The following HOOK3 variants were observed in gnomAD, a reference collection of about 807,000 sequenced individuals.
HOOK3 encodes the protein hook microtubule tethering protein 3, also known as protein Hook homolog 3.
HOOK3 carries 24 observed loss-of-function variants against 116.3 expected under a neutral mutation model. The observed-to-expected ratio is 0.21, with a 90% CI of 0.15 to 0.29. The LOEUF is 0.29. Ranked by LOEUF, HOOK3 falls within the 10% of genes least tolerant of loss-of-function variation. The pLI, the probability that HOOK3 is intolerant of heterozygous loss-of-function variation, is 1.00. For missense variants in HOOK3, 632 were observed against 830.2 expected (o/e 0.76, Z 2.93); for synonymous variants, 275 against 283.0 (o/e 0.97, Z 0.28).
intron 14 of HOOK3, among the ~76,000 whole-genome samples, chr8:42,982,917 T>C (rs1437901433): frequency 1.3e-5 from 2 of 152,210 alleles, no homozygotes; most frequent in Non-Finnish European, 2.9e-5. Context: ...TTCACACATA[T>C]AAAGCCAATT....
In HOOK3 at chr8:42,917,902, C is replaced by CT. The variant is rs1475366514; in HGVS notation, c.144-7654dup. Among the ~76,000 whole-genome samples, 11 of 152,268 alleles carry CT rather than the reference C, an allele frequency of 7.2e-5. No individual in the cohort carries two copies. The East Asian group carries it at 1.7e-3, about 24-fold the overall frequency. On this transcript the variant is annotated intron_variant, in intron 2 of 21. Coordinates refer to ENST00000307602, the MANE Select transcript of HOOK3 (RefSeq NM_032410.4). ...ATGTGAAATTTTATCATAGTCAACT[C>CT]TAACACACATTTAATGGCAGAGGAC...
chr8:42,924,279 G>A (rs374645214), intron 2 of HOOK3, among the ~76,000 whole-genome samples: 202 of 152,002 alleles, frequency 1.3e-3, no homozygotes, highest in African/African-American at 4.7e-3. Context: ...CTGTAAAATG[G>A]GGCTCATGCT....
rs182844385 is a variant in HOOK3 at position 43,009,221 on chromosome 8, G to A, written c.1739-1084G>A. 7.9e-5 allele frequency among the ~76,000 whole-genome samples: 12 copies of A among 151,902 alleles called. No homozygotes were observed. The East Asian group carries it at 9.8e-4, about 12-fold the overall frequency. On this transcript the variant is annotated intron_variant, in intron 18 of 21. Transcript: ENST00000307602. ...GGAGTTTGAGACCAGCCTGGGCGAC[G>A]TGGTAAAAGCCCATCTCTACTAAAA... is the stretch of plus-strand genomic sequence containing the variant.
At chr8:42,901,905 T>TA (rs1323786814) in intron 1 of HOOK3, among the ~76,000 whole-genome samples, 1 of 152,166 alleles carries the variant, frequency 6.6e-6, no homozygotes, top group Non-Finnish European at 1.5e-5. Flanking sequence ...AGACGGGGTT[T>TA]CACTATGTTG....
rs1409405690 is a variant in HOOK3, at chr8:42,965,679, A to G, written c.780-794A>G. On this transcript the variant is annotated intron_variant, in intron 9 of 21. Coordinates refer to ENST00000307602, the MANE Select transcript of HOOK3 (RefSeq NM_032410.4). ...TAAACATCAATTAGATTTTTACTTT[A>G]CTGAGTAACTGAGTGTGGTAACATA... Among the ~76,000 whole-genome samples the G allele has an allele frequency of 2.0e-5, 3 of 152,320 alleles. No homozygotes were observed. The East Asian group carries it at 5.8e-4, about 29-fold the overall frequency.
chr8:42,984,732 T>A (rs1809017554), intron 14 of HOOK3, among the ~76,000 whole-genome samples: 1 of 152,070 alleles, frequency 6.6e-6, no homozygotes. Flanking sequence ...CAAAACCCTG[T>A]CACTGCTAAA....
intron 13 of HOOK3, among the ~76,000 whole-genome samples, chr8:42,975,794 C>T (rs1808811858): frequency 6.6e-6 from 1 of 152,226 alleles, no homozygotes; most frequent in African/African-American, 2.4e-5. Context: ...CAACCTCCGC[C>T]TCCCAGGTTC....
At chr8:42,953,138 C>T (rs1016120046) in intron 6 of HOOK3, among the ~76,000 whole-genome samples, 2 of 151,510 alleles carry the variant, frequency 1.3e-5, no homozygotes, top group Non-Finnish European at 2.9e-5. Flanking sequence ...AGTCATGGAC[C>T]CAACCAAAAT....
intron 14 of HOOK3, among the ~76,000 whole-genome samples, chr8:42,983,691 T>C (rs1259206107): frequency 1.3e-5 from 2 of 152,074 alleles, no homozygotes; most frequent in African/African-American, 4.8e-5. Context: ...CCCAGGCTGG[T>C]CTTGAACTCC....
chr8:42,924,644 T>G (rs919563935), intron 2 of HOOK3, among the ~76,000 whole-genome samples: 12 of 152,180 alleles, frequency 7.9e-5, no homozygotes, highest in Non-Finnish European at 1.0e-4. Flanking sequence ...CTGAAAAAGT[T>G]ATTTTAACTT....
rs1260019905 is a variant in HOOK3, at chr8:42,939,894, G to A, written c.268-3419G>A. Among the ~76,000 whole-genome samples, 17 of 151,816 alleles carry A rather than the reference G, an allele frequency of 1.1e-4. No homozygotes were observed. In the East Asian group the frequency reaches 3.1e-3, roughly 28 times the overall value. On this transcript the variant is annotated intron_variant, in intron 4 of 21. Transcript: ENST00000307602. ...CACATCTCAGACGATGGGCGGCCGG[G>A]CAGAGACACTCCTCACTTCCTAGAT...
chr8:42,986,882 C>A, intron 15 of HOOK3, 87 bp downstream of exon 15: 1 of 1,386,090 alleles, frequency 7.2e-7, no homozygotes, highest in Admixed American at 1.9e-5. Context: ...ACTGGCAGGG[C>A]ATGGTGGCTC....
intron 17 of HOOK3, 138 bp from the exon 18 acceptor site, chr8:43,007,709 G>A (rs1424086932): frequency 2.3e-6 from 1 of 426,474 alleles, no homozygotes; most frequent in Non-Finnish European, 4.2e-6. Context: ...TTAAATTTGT[G>A]TTTTGTCTTT....
chr8:42,985,445 G>A (rs1357584940), intron 14 of HOOK3, among the ~76,000 whole-genome samples: 2 of 152,148 alleles, frequency 1.3e-5, no homozygotes, highest in African/African-American at 4.8e-5. Context: ...AGGTACCAAT[G>A]TACATGTACT....
rs1489916087 is a variant in HOOK3, at chr8:43,013,027, TTTTTC to T, written c.1840-19_1840-15del. The T allele has an allele frequency of 6.9e-7, 1 of 1,448,152 alleles. No individual in the cohort carries two copies. The highest frequency in any genetic ancestry group is 9.5e-7 in the Non-Finnish European group (1 of 1,049,182). 89.7% of individuals were successfully genotyped at this position (1,448,152 alleles called of 1,614,324 possible). A position where few individuals can be genotyped will look rare whatever the true frequency, so the allele number is the denominator to read the frequency against. ...TTCTTTAAGTTTGAGACTTTTTAAA[TTTTTC>T]TTTTATTATTTTTTGCAGGTCATCC... On this transcript the variant is annotated intron_variant, in intron 19 of 21. Transcript: ENST00000307602.
At chr8:42,934,029 G>A (rs1239398807) in intron 4 of HOOK3, among the ~76,000 whole-genome samples, 1 of 151,814 alleles carries the variant, frequency 6.6e-6, no homozygotes, top group East Asian at 1.9e-4. Context: ...TTAGTTTTAG[G>A]AAATTTTCAT....
chr8:42,907,772 G>T (rs1807339480), intron 2 of HOOK3, among the ~76,000 whole-genome samples: 1 of 132,328 alleles, frequency 7.6e-6, no homozygotes. Context: ...CAAGGATGTC[G>T]ACTCTGCCAG....
chr8:42,913,063 CT>C (rs1807464005), intron 2 of HOOK3, among the ~76,000 whole-genome samples: 1 of 152,040 alleles, frequency 6.6e-6, no homozygotes. Flanking sequence ...TCCTCCGTGT[CT>C]TTTTGTGACT....
chr8:42,904,147 A>G (rs995061640), intron 1 of HOOK3, among the ~76,000 whole-genome samples: 5 of 152,014 alleles, frequency 3.3e-5, no homozygotes, highest in African/African-American at 1.2e-4. Flanking sequence ...CAATAAATAA[A>G]AATTTGTGTG....
Sources: gnomAD v4.1 joint callset for allele counts (sites outside exome capture counted in the v4.1 genomes callset) on GRCh38, gnomAD v4.1.1 for gene constraint, MANE v1.5 for transcripts, NCBI Gene and HGNC (gene_info 2026-07-23, HGNC 2026-07-21) for gene names.